The following PRDM16 variants were observed in gnomAD, a reference collection of about 807,000 sequenced individuals.
PRDM16 encodes the protein PR/SET domain 16.
Under a neutral mutation model 110.6 loss-of-function variants are expected in PRDM16, and 23 were observed. That is an observed-to-expected ratio of 0.21 (90% CI 0.15 to 0.29). PRDM16 has a LOEUF of 0.29. Among genes scored for constraint, PRDM16 ranks in the 10% least tolerant of loss-of-function variants. The pLI, the probability that PRDM16 is intolerant of heterozygous loss-of-function variation, is 1.00. For synonymous variants in PRDM16, 799 were observed against 781.8 expected, an observed-to-expected ratio of 1.02 and a Z score of -0.37; for missense variants, 1,615 against 1,794.3, an observed-to-expected ratio of 0.90 and a Z score of 1.81.
At chr1:3,079,977 A>G (rs1183557673) in intron 1 of PRDM16, among the ~76,000 whole-genome samples, 1 of 152,252 alleles carries the variant, frequency 6.6e-6, no homozygotes, top group Admixed American at 6.5e-5. Context: ...TGGTTGCCTC[A>G]GTAGCGCGTG....
chr1:3,219,217 G>C (rs1047822183), intron 2 of PRDM16, among the ~76,000 whole-genome samples: 6 of 152,234 alleles, frequency 3.9e-5, no homozygotes, highest in Admixed American at 6.5e-5. Context: ...TTTCCAATTA[G>C]CAAAAGAAAA....
chr1:3,418,251 C>A (rs1203926469), intron 11 of PRDM16, among the ~76,000 whole-genome samples: 2 of 152,350 alleles, frequency 1.3e-5, no homozygotes, highest in Non-Finnish European at 2.9e-5. Flanking sequence ...ACTGGGAAGG[C>A]TGGGCCTGAG....
Position 3,208,693 on chromosome 1 carries a change from AG to A in PRDM16, c.387+22220del, listed in dbSNP as rs1638810871. 6.6e-6 allele frequency: 1 copy of A among 151,870 alleles called. No individual in the cohort carries two copies. Among genetic ancestry groups the A allele is most frequent in the African/African-American group, 2.4e-5 (1 of 41,188 alleles). The allele number at this position is 151,870 out of a possible 1,614,324, so 9.4% of individuals were successfully genotyped here. A position where few individuals can be genotyped will look rare whatever the true frequency, so the allele number is the denominator to read the frequency against. On this transcript the variant is annotated intron_variant, in intron 2 of 16. Coordinates refer to ENST00000270722, the MANE Select transcript of PRDM16 (RefSeq NM_022114.4). The surrounding 1 kb of genome is among the most constrained non-coding windows in gnomAD (Gnocchi z 6.1). ...AAAAAAAAAAAGAAAAGAAAAGAAAAGAAAAGAAAGTGTCTCCAGATATCTC... is the reference window on the plus strand; with the variant it reads ...AAAAAAAAAAAGAAAAGAAAAGAAAAAAAAGAAAGTGTCTCCAGATATCTC...
chr1:3,333,391 C>T (rs553274731), intron 3 of PRDM16, among the ~76,000 whole-genome samples: 2 of 152,254 alleles, frequency 1.3e-5, no homozygotes, highest in African/African-American at 4.8e-5. Context: ...AGTGCTTTGG[C>T]CTGGCTGCAG....
In PRDM16 at chr1:3,438,400, T is replaced by G. The variant is rs1216205341; in HGVS notation, c.*4589T>G. On this transcript the variant is annotated 3_prime_UTR_variant, in exon 17 of 17. Coordinates refer to ENST00000270722, the MANE Select transcript of PRDM16 (RefSeq NM_022114.4). ...GAGAAGAATGAAATAAGACGTGAAG[T>G]GTAGGAAATCATGAAAAGAACAATT... 4.9e-6 allele frequency: 1 copy of G among 203,512 alleles called. No individual in the cohort carries two copies. The highest frequency in any genetic ancestry group is 1.0e-5 in the Non-Finnish European group (1 of 99,372). The allele number at this position is 203,512 out of a possible 1,614,324, so 12.6% of individuals were successfully genotyped here. A position where few individuals can be genotyped will look rare whatever the true frequency, so the allele number is the denominator to read the frequency against.
intron 1 of PRDM16, among the ~76,000 whole-genome samples, chr1:3,130,536 T>C (rs1381400933): frequency 2.0e-5 from 3 of 152,282 alleles, no homozygotes; most frequent in Admixed American, 6.5e-5. Context: ...CCCCTGTCTA[T>C]AGGTTTCCTC....
At chr1:3,114,361 C>G (rs1051148223) in intron 1 of PRDM16, among the ~76,000 whole-genome samples, 1 of 142,786 alleles carries the variant, frequency 7.0e-6, no homozygotes. Context: ...CACATGCACA[C>G]ACGCACACAC....
chr1:3,171,949 C>T (rs1002908797), intron 1 of PRDM16, among the ~76,000 whole-genome samples: 4 of 152,130 alleles, frequency 2.6e-5, no homozygotes, highest in Non-Finnish European at 4.4e-5. Flanking sequence ...TCCGCGCCAC[C>T]GGGGGAGCTG....
chr1:3,280,504 C>T (rs1025580571), intron 3 of PRDM16, among the ~76,000 whole-genome samples: 8 of 152,184 alleles, frequency 5.3e-5, no homozygotes, highest in Admixed American at 1.3e-4. Context: ...GTTTCATGTG[C>T]GGAGGGACGG....
chr1:3,298,368 C>T (rs74050843), intron 3 of PRDM16, among the ~76,000 whole-genome samples: 8,050 of 152,316 alleles, frequency 0.053, 719 homozygotes, highest in African/African-American at 0.18. Context: ...AGCAGCCTCG[C>T]TGTCGGGAGG....
intron 3 of PRDM16, among the ~76,000 whole-genome samples, chr1:3,280,570 G>A (rs552868596): frequency 2.6e-5 from 4 of 152,192 alleles, no homozygotes; most frequent in South Asian, 2.1e-4. Context: ...CGCCTCCCTC[G>A]ACTCCCACCT....
At chr1:3,086,530 C>T (rs1417673129) in intron 1 of PRDM16, among the ~76,000 whole-genome samples, 1 of 152,000 alleles carries the variant, frequency 6.6e-6, no homozygotes, top group Non-Finnish European at 1.5e-5. Context: ...CCTCCCTCCA[C>T]TTCTGGCCTC....
At chr1:3,169,296 C>G (rs1223930547) in intron 1 of PRDM16, among the ~76,000 whole-genome samples, 2 of 152,182 alleles carry the variant, frequency 1.3e-5, no homozygotes, top group Non-Finnish European at 2.9e-5. Context: ...CCGGCCCCCA[C>G]CACCCTGAAT....
At position 3,080,264 on chromosome 1, in the gene PRDM16, C is replaced by T. The variant is rs1340087643; in HGVS notation, c.37+10968C>T. On this transcript the variant is annotated intron_variant, in intron 1 of 16. Coordinates refer to ENST00000270722, the MANE Select transcript of PRDM16 (RefSeq NM_022114.4). This position sits in a 1 kb window ranked among gnomAD's most constrained non-coding sequence, Gnocchi z 5.2. ...GTGTGAAAATATTAAATTGCAATAA[C>T]ACGCCGTGCGAGTGCCTCTCTGAAT... Among the ~76,000 whole-genome samples, 1 of 152,200 alleles carries T rather than the reference C, an allele frequency of 6.6e-6. No homozygotes were observed. The highest frequency in any genetic ancestry group is 1.5e-5 in the Non-Finnish European group (1 of 68,048).
intron 2 of PRDM16, among the ~76,000 whole-genome samples, chr1:3,220,060 G>T (rs1392176347): frequency 6.6e-6 from 1 of 152,202 alleles, no homozygotes; most frequent in East Asian, 1.9e-4. Flanking sequence ...CCCCGAGTGG[G>T]CTCTCAGAGG....
chr1:3,219,028 C>T (rs993546976), intron 2 of PRDM16, among the ~76,000 whole-genome samples: 2 of 152,164 alleles, frequency 1.3e-5, no homozygotes, highest in African/African-American at 4.8e-5. Context: ...CCGGGCTGAG[C>T]GGAGAGCTGC....
intron 3 of PRDM16, among the ~76,000 whole-genome samples, chr1:3,268,972 A>G (rs1202585090): frequency 2.6e-5 from 4 of 151,998 alleles, no homozygotes; most frequent in Admixed American, 6.6e-5. Flanking sequence ...AAAGGTTCCC[A>G]CCCCCAGGGA....
Position 3,120,858 on chromosome 1 carries a change from G to A in PRDM16, c.37+51562G>A, listed in dbSNP as rs1037286010. On this transcript the variant is annotated intron_variant, in intron 1 of 16. Transcript: ENST00000270722. ...AAAGAACCATTAGAAGCCCCTTTCC[G>A]CTTCTGCAGGGATTTGCAGAGACTT... 5.9e-5 allele frequency among the ~76,000 whole-genome samples: 9 copies of A among 152,180 alleles called. No individual in the cohort carries two copies. In the South Asian group the frequency reaches 1.0e-3, roughly 18 times the overall value.
At chr1:3,197,796 G>A (rs1638517193) in intron 2 of PRDM16, among the ~76,000 whole-genome samples, 1 of 152,148 alleles carries the variant, frequency 6.6e-6, no homozygotes, top group Admixed American at 6.5e-5. Flanking sequence ...CCCTCCCCTG[G>A]GTCAGACGCA....
Sources: gnomAD v4.1 joint callset for allele counts (sites outside exome capture counted in the v4.1 genomes callset) on GRCh38, gnomAD v4.1.1 for gene constraint, Gnocchi (gnomAD v3.1) non-coding constraint, MANE v1.5 for transcripts, NCBI Gene and HGNC (gene_info 2026-07-23, HGNC 2026-07-21) for gene names.